Variants in KIF27 observed in about 807,000 individuals in gnomAD.
The protein encoded by KIF27 is kinesin family member 27, also known as kinesin-like protein KIF27.
In KIF27, 84 loss-of-function variants were observed where a neutral mutation model predicts 141.8. The ratio of observed to expected loss-of-function variants is 0.59; its 90% CI spans 0.50 to 0.71. The LOEUF (loss-of-function observed/expected upper bound fraction) is 0.71. Ranked by LOEUF, KIF27 falls within the 30% of genes least tolerant of loss-of-function variation. The pLI is 0.00. For synonymous variants in KIF27, 471 were observed against 569.5 expected, an observed-to-expected ratio of 0.83 and a Z score of 2.46; for missense variants, 1,306 against 1,628.4, an observed-to-expected ratio of 0.80 and a Z score of 3.41.
intron 5 of KIF27, among the ~76,000 whole-genome samples, chr9:83,892,047 G>T (rs397835026): frequency 5.1e-4 from 77 of 151,710 alleles, no homozygotes; most frequent in African/African-American, 1.1e-3. Flanking sequence ...AACAAATTGT[G>T]TATCAGGAAT....
At chr9:83,894,606 T>C (rs768182268) in intron 5 of KIF27, among the ~76,000 whole-genome samples, 49 of 152,296 alleles carry the variant, frequency 3.2e-4, no homozygotes, top group Non-Finnish European at 5.6e-4. Flanking sequence ...ATATAACCCA[T>C]AGGCACTGAG....
At position 83,899,717 on chromosome 9, in the gene KIF27, C is replaced by T; in HGVS notation, c.1546G>A (p.Glu516Lys). The T allele has an allele frequency of 6.2e-7, 1 of 1,613,508 alleles. No homozygotes were observed. Among genetic ancestry groups the T allele is most frequent in the Non-Finnish European group, 8.5e-7 (1 of 1,179,542 alleles). ...AAAGATACAGCATGCCCTTTGTTTTCCTGTACCATCATCTGCACTTGATTC... is the reference window on the plus strand; with the variant it reads ...AAAGATACAGCATGCCCTTTGTTTTTCTGTACCATCATCTGCACTTGATTC... ...LKNQVQMMVQ[E>K]NKGHAVSLKE... The change falls in exon 5 of 18, where the codon GAA (glutamate) becomes AAA (lysine). Residue 516 changes from glutamate (E) to lysine (K), a missense_variant. Around this residue, in one of 4 missense-constraint regions of KIF27, gnomAD observed 29 missense variants for 60.3 expected, o/e 0.48. Transcript: ENST00000297814.
chr9:83,857,966 G>GTTTTTTTTTT, intron 14 of KIF27, among the ~76,000 whole-genome samples: 1 of 123,352 alleles, frequency 8.1e-6, no homozygotes. Flanking sequence ...AATACTTTGG[G>GTTTTTTTTTT]TTTTTTTTTT....
At chr9:83,886,188 G>A (rs978126410) in intron 9 of KIF27, among the ~76,000 whole-genome samples, 1 of 152,074 alleles carries the variant, frequency 6.6e-6, no homozygotes, top group Non-Finnish European at 1.5e-5. Flanking sequence ...AGATTTCAGG[G>A]TACTGCCTGT....
intron 1 of KIF27, among the ~76,000 whole-genome samples, chr9:83,919,319 T>C (rs1282687469): frequency 1.3e-5 from 2 of 152,176 alleles, no homozygotes; most frequent in African/African-American, 4.8e-5. Context: ...GATCCAGCAA[T>C]TCCACTCCCA....
rs536730305 is a variant in KIF27, at chr9:83,867,467, G to A, written c.2934+217C>T. Among the ~76,000 whole-genome samples the A allele has an allele frequency of 1.1e-4, 14 of 124,440 alleles. No homozygotes were observed. In the South Asian group the frequency reaches 4.0e-3, roughly 35 times the overall value. The allele number at this position is 124,440 out of a possible 152,430, so 81.6% of individuals were successfully genotyped here. A position where few individuals can be genotyped will look rare whatever the true frequency, so the allele number is the denominator to read the frequency against. ...CCATCCCTAGGAGTGAGATTACTGG[G>A]TCACATAGTATCCGTAAGTTTAGCC... On this transcript the variant is annotated intron_variant, in intron 13 of 17. Transcript: ENST00000297814.
intron 11 of KIF27, 126 bp downstream of exon 11, chr9:83,880,171 A>G: frequency 7.2e-7 from 1 of 1,387,272 alleles, no homozygotes; most frequent in East Asian, 2.4e-5. Flanking sequence ...GTGAATAAGG[A>G]CAGCAGTGAA....
rs1311100525 is a variant in KIF27 at position 83,836,818 on chromosome 9, C to G, written c.*183G>C. The G allele has an allele frequency of 2.2e-6, 2 of 923,272 alleles. No individual in the cohort carries two copies. The highest frequency in any genetic ancestry group is 3.6e-4 in the Middle Eastern group (1 of 2,790). 57.2% of individuals were successfully genotyped at this position (923,272 alleles called of 1,614,324 possible). Reference sequence around the variant, plus strand: ...TGTTTGATTACTATGGGAATATAAACTAAAACTCCCCAAATATATATAGAA... The same window carrying G: ...TGTTTGATTACTATGGGAATATAAAGTAAAACTCCCCAAATATATATAGAA... On this transcript the variant is annotated 3_prime_UTR_variant, in exon 18 of 18. Transcript: ENST00000297814.
intron 11 of KIF27, among the ~76,000 whole-genome samples, chr9:83,875,679 G>GTAA (rs1951158545): frequency 1.3e-5 from 2 of 151,826 alleles, no homozygotes; most frequent in Non-Finnish European, 2.9e-5. Context: ...AAACAAGGAA[G>GTAA]GTATAACGTC....
At chr9:83,869,371 T>G (rs1004675480) in intron 12 of KIF27, among the ~76,000 whole-genome samples, 4 of 152,166 alleles carry the variant, frequency 2.6e-5, no homozygotes, top group Non-Finnish European at 5.9e-5. Context: ...ACTAAAATAA[T>G]GGCTTTTTAA....
chr9:83,852,401 C>T (rs373320144), intron 15 of KIF27, among the ~76,000 whole-genome samples: 17 of 149,266 alleles, frequency 1.1e-4, no homozygotes, highest in African/African-American at 2.7e-4. Context: ...TGCACTGAGC[C>T]GAGATCACGC....
At chr9:83,852,333 G>C (rs1268032470) in intron 15 of KIF27, among the ~76,000 whole-genome samples, 8 of 147,044 alleles carry the variant, frequency 5.4e-5, no homozygotes, top group Admixed American at 2.0e-4. Flanking sequence ...GGCATTTGTA[G>C]TCCCAGCTAC....
Position 83,859,561 on chromosome 9 carries a change from T to C in KIF27, c.2935-190A>G, listed in dbSNP as rs998215813. On this transcript the variant is annotated intron_variant, in intron 13 of 17. Coordinates refer to ENST00000297814, the MANE Select transcript of KIF27 (RefSeq NM_017576.4). ...TTTTTTTGTTTTTGACATGGAGTTT[T>C]GCTCTTGTTCCCCAGGCTAGAGTGC... 2.3e-5 allele frequency: 13 copies of C among 554,912 alleles called. No individual in the cohort carries two copies. In the African/African-American group the frequency reaches 2.5e-4, roughly 11 times the overall value. 34.4% of individuals were successfully genotyped at this position (554,912 alleles called of 1,614,324 possible). A position where few individuals can be genotyped will look rare whatever the true frequency, so the allele number is the denominator to read the frequency against.
Position 83,880,308 on chromosome 9 carries a change from G to C in KIF27, c.2632C>G (p.Gln878Glu), listed in dbSNP as rs148346061. The C allele has an allele frequency of 1.2e-6, 2 of 1,613,670 alleles. No homozygotes were observed. The highest frequency in any genetic ancestry group is 1.7e-6 in the Non-Finnish European group (2 of 1,179,808). Residue 878 changes from glutamine (Q) to glutamate (E), a missense_variant, in exon 11 of 18, where the codon CAA becomes GAA. By Grantham distance (29) the Gln-to-Glu change is conservative (BLOSUM62 2). This residue lies in a region of KIF27 where 596 missense variants were observed against 751.6 expected (regional missense o/e 0.79). Transcript: ENST00000297814. ...QLDAVIKRDQ[Q>E]KIKEIQLKTG... ...TATGACAATATTACTTTGATTTTTT[G>C]CTGGTCCCGCTTAATTACTGCATCC... is the stretch of plus-strand genomic sequence containing the variant.
intron 2 of KIF27, among the ~76,000 whole-genome samples, chr9:83,914,672 G>A (rs903729770): frequency 1.3e-5 from 2 of 152,028 alleles, no homozygotes; most frequent in Non-Finnish European, 2.9e-5. Context: ...TGTTTTTAGT[G>A]GAAAAATATA....
chr9:83,846,389 A>G (rs1411755790), intron 16 of KIF27, among the ~76,000 whole-genome samples: 1 of 152,168 alleles, frequency 6.6e-6, no homozygotes, highest in Non-Finnish European at 1.5e-5. Context: ...CCTCTGACCA[A>G]GTTACTCACT....
At chr9:83,851,475 C>T (rs1948577523) in intron 15 of KIF27, among the ~76,000 whole-genome samples, 1 of 152,136 alleles carries the variant, frequency 6.6e-6, no homozygotes, top group African/African-American at 2.4e-5. Flanking sequence ...CCTCAGCCTC[C>T]CACATAGCTG....
rs756946088 is a variant in KIF27, at chr9:83,859,262, TTTG to T, written c.3041_3043del (p.Thr1014del). On this transcript the variant is annotated inframe_deletion, in exon 14 of 18. Coordinates refer to ENST00000297814, the MANE Select transcript of KIF27 (RefSeq NM_017576.4). Reference sequence around the variant, plus strand: ...GAGGACTTCAACTTGTTCTGAAATCTTTGTTTTCTCCTCAGCTGTACTGGTCTG... The same window carrying T: ...GAGGACTTCAACTTGTTCTGAAATCTTTTTCTCCTCAGCTGTACTGGTCTG... 11 of 1,614,082 alleles carry T rather than the reference TTTG, an allele frequency of 6.8e-6. No homozygotes were observed. Among genetic ancestry groups the T allele is most frequent in the Non-Finnish European group, 9.3e-6 (11 of 1,179,958 alleles).
Position 83,834,497 on chromosome 9 carries a change from G to A in KIF27, c.*2504C>T, listed in dbSNP as rs2780130. Among the ~76,000 whole-genome samples the A allele has an allele frequency of 6.6e-6, 1 of 152,036 alleles. No homozygotes were observed. The highest frequency in any genetic ancestry group is 1.5e-5 in the Non-Finnish European group (1 of 67,942). ...TTAGAAATCAACTCACAATTGCATA[G>A]TCAAACCTAATCATTGTTGTTTTGA... On this transcript the variant is annotated 3_prime_UTR_variant, in exon 18 of 18. Coordinates refer to ENST00000297814, the MANE Select transcript of KIF27 (RefSeq NM_017576.4).
Sources: gnomAD v4.1 joint callset for allele counts (sites outside exome capture counted in the v4.1 genomes callset) on GRCh38, gnomAD v4.1.1 for gene constraint, gnomAD v4.1.1 regional missense constraint, MANE v1.5 for transcripts, NCBI Gene and HGNC (gene_info 2026-07-23, HGNC 2026-07-21) for gene names.